Variants in MACROD2 observed in about 807,000 individuals in gnomAD.
MACROD2 encodes the protein mono-ADP ribosylhydrolase 2.
Under a neutral mutation model 70.4 loss-of-function variants are expected in MACROD2, and 36 were observed. The observed-to-expected ratio is 0.51, with a 90% CI of 0.39 to 0.68. MACROD2 has a LOEUF of 0.68. Ranked by LOEUF, MACROD2 falls within the 30% of genes least tolerant of loss-of-function variation. The pLI is 0.00. For missense variants in MACROD2, 496 were observed against 538.4 expected (o/e 0.92, Z 0.78); for synonymous variants, 172 against 178.8 (o/e 0.96, Z 0.30).
intron 5 of MACROD2, among the ~76,000 whole-genome samples, chr20:15,106,259 G>T (rs1224462768): frequency 1.3e-5 from 2 of 152,002 alleles, no homozygotes; most frequent in African/African-American, 2.4e-5. Flanking sequence ...TTTATATGTG[G>T]TATTTCAATT....
intron 4 of MACROD2, among the ~76,000 whole-genome samples, chr20:14,611,867 T>C (rs1424272921): frequency 2.0e-5 from 3 of 152,148 alleles, no homozygotes; most frequent in African/African-American, 2.4e-5. Flanking sequence ...TCTCTGTTCT[T>C]AAATTTGCAA....
At chr20:15,060,381 CTTCT>C (rs1439452019) in intron 5 of MACROD2, among the ~76,000 whole-genome samples, 1 of 152,192 alleles carries the variant, frequency 6.6e-6, no homozygotes, top group Non-Finnish European at 1.5e-5. Context: ...GCGTCTTGCT[CTTCT>C]TTCTACCTGC....
chr20:14,126,873 A>C (rs1185116227), intron 3 of MACROD2, among the ~76,000 whole-genome samples: 2 of 152,288 alleles, frequency 1.3e-5, no homozygotes, highest in East Asian at 3.9e-4. Flanking sequence ...GCTGATCCCC[A>C]GCCTCTTTCC....
intron 3 of MACROD2, among the ~76,000 whole-genome samples, chr20:14,192,755 A>G (rs753169313): frequency 3.9e-5 from 6 of 152,156 alleles, no homozygotes; most frequent in Non-Finnish European, 7.3e-5. Flanking sequence ...TAGTAATTTC[A>G]TAGCCTTCAC....
At chr20:15,714,900 T>C (rs1432379086) in intron 8 of MACROD2, among the ~76,000 whole-genome samples, 1 of 152,142 alleles carries the variant, frequency 6.6e-6, no homozygotes, top group African/African-American at 2.4e-5. Flanking sequence ...TATGTGTATC[T>C]TGTTTAAAGT....
At chr20:14,723,197 A>G (rs568654966) in intron 5 of MACROD2, among the ~76,000 whole-genome samples, 1 of 152,270 alleles carries the variant, frequency 6.6e-6, no homozygotes, top group East Asian at 1.9e-4. Flanking sequence ...AAAGACTATT[A>G]TTGAGCTTGG....
At chr20:14,889,592 G>C (rs1193450644) in intron 5 of MACROD2, among the ~76,000 whole-genome samples, 3 of 152,128 alleles carry the variant, frequency 2.0e-5, no homozygotes, top group Non-Finnish European at 2.9e-5. Flanking sequence ...ATAGGAATCA[G>C]CTAAAGTGAG....
intron 5 of MACROD2, among the ~76,000 whole-genome samples, chr20:14,983,019 C>T (rs181935487): frequency 7.5e-4 from 114 of 152,304 alleles, no homozygotes; most frequent in African/African-American, 2.7e-3. Flanking sequence ...GGTGGAGCTA[C>T]CCCAGACTAT....
chr20:15,639,082 T>TA lies in MACROD2; in HGVS notation c.645+139236dup, dbSNP rs370547213. On this transcript the variant is annotated intron_variant, in intron 8 of 17. Coordinates refer to ENST00000684519, the MANE Select transcript of MACROD2 (RefSeq NM_001351661.2). Reference sequence around the variant, plus strand: ...TCGGGGCTTATCTCGGGCTGCATTGTAGATCAATCCTGGGCACAGTGGAAG... The same window carrying TA: ...TCGGGGCTTATCTCGGGCTGCATTGTAAGATCAATCCTGGGCACAGTGGAAG... 6.6e-5 allele frequency among the ~76,000 whole-genome samples: 10 copies of TA among 152,248 alleles called. No homozygotes were observed. In the East Asian group the frequency reaches 1.9e-3, roughly 29 times the overall value.
intron 4 of MACROD2, among the ~76,000 whole-genome samples, chr20:14,616,111 A>G (rs1983462753): frequency 6.6e-6 from 1 of 152,068 alleles, no homozygotes; most frequent in African/African-American, 2.4e-5. Flanking sequence ...GTTGATTTGA[A>G]TCCTGTTTTC....
intron 12 of MACROD2, among the ~76,000 whole-genome samples, chr20:15,959,762 G>A (rs1307253060): frequency 1.3e-5 from 2 of 152,012 alleles, no homozygotes; most frequent in African/African-American, 4.8e-5. Flanking sequence ...TTGAACTCCT[G>A]ACCTCGTGAT....
intron 4 of MACROD2, among the ~76,000 whole-genome samples, chr20:14,517,188 G>T (rs2123165577): frequency 6.6e-6 from 1 of 152,212 alleles, no homozygotes; most frequent in East Asian, 1.9e-4. Flanking sequence ...CCATTACTGG[G>T]TATATACCCA....
intron 7 of MACROD2, among the ~76,000 whole-genome samples, chr20:15,484,042 C>CTTTTA (rs3071258): frequency 0.061 from 8,339 of 136,278 alleles, 391 homozygotes; most frequent in African/African-American, 0.12. Context: ...ATCATTATGC[C>CTTTTA]TTTTATTTTA....
intron 5 of MACROD2, among the ~76,000 whole-genome samples, chr20:15,177,063 G>A (rs1038658649): frequency 2.6e-5 from 4 of 152,208 alleles, no homozygotes; most frequent in African/African-American, 7.2e-5. Context: ...GCCTGGCTGT[G>A]CACAGTGACC....
At chr20:14,490,599 T>C (rs1162113247) in intron 3 of MACROD2, among the ~76,000 whole-genome samples, 3 of 152,188 alleles carry the variant, frequency 2.0e-5, no homozygotes, top group Non-Finnish European at 4.4e-5. Context: ...AAGAGATTTT[T>C]AAATCTTGTT....
chr20:14,592,802 G>A (rs1164350727), intron 4 of MACROD2, among the ~76,000 whole-genome samples: 2 of 152,068 alleles, frequency 1.3e-5, no homozygotes, highest in Non-Finnish European at 2.9e-5. Flanking sequence ...CATTTTATTT[G>A]TATTTTCTGC....
At chr20:14,574,973 T>TGCAGTCC in intron 4 of MACROD2, among the ~76,000 whole-genome samples, 1 of 136,894 alleles carries the variant, frequency 7.3e-6, no homozygotes, top group East Asian at 2.0e-4. Flanking sequence ...ATTGCGCCAC[T>TGCAGTCC]GCAGTCCGCA....
At chr20:15,712,618 A>G (rs1660083129) in intron 8 of MACROD2, among the ~76,000 whole-genome samples, 1 of 152,106 alleles carries the variant, frequency 6.6e-6, no homozygotes. Flanking sequence ...TTTGTCATCC[A>G]AGCTTGGAAG....
At chr20:14,791,003 TAC>T (rs1289038911) in intron 5 of MACROD2, among the ~76,000 whole-genome samples, 1 of 152,090 alleles carries the variant, frequency 6.6e-6, no homozygotes, top group Non-Finnish European at 1.5e-5. Context: ...GCTGCAGGTT[TAC>T]TCAGCTGTTC....
Sources: allele counts gnomAD v4.1 joint callset (sites outside exome capture counted in the v4.1 genomes callset), GRCh38; gene constraint gnomAD v4.1.1; transcripts MANE v1.5; gene names NCBI Gene and HGNC (gene_info 2026-07-23, HGNC 2026-07-21).